The following SYNE1 variants were observed in gnomAD, a reference collection of about 807,000 sequenced individuals.
SYNE1 encodes spectrin repeat containing nuclear envelope protein 1.
Under a neutral mutation model 1,111.0 loss-of-function variants are expected in SYNE1, and 616 were observed. That is an observed-to-expected ratio of 0.55 (90% confidence interval 0.52 to 0.59). The LOEUF (loss-of-function observed/expected upper bound fraction) is 0.59, where lower values mean the gene tolerates loss of function less well. Among genes scored for constraint, SYNE1 ranks in the 20% least tolerant of loss-of-function variants. The pLI, the probability that SYNE1 is intolerant of heterozygous loss-of-function variation, is 0.00. For missense variants in SYNE1, 10,006 were observed against 10,417.0 expected (o/e 0.96, Z 1.72); for synonymous variants, 3,855 against 3,825.8 (o/e 1.01, Z -0.28).
intron 130 of SYNE1, among the ~76,000 whole-genome samples, chr6:152,172,698 T>C (rs934474676): frequency 9.9e-5 from 15 of 152,210 alleles, no homozygotes; most frequent in Non-Finnish European, 1.9e-4. Flanking sequence ...CCAGTATTCT[T>C]AAAGGCAGTT....
chr6:152,543,273 AT>A (rs1348710924), intron 3 of SYNE1, among the ~76,000 whole-genome samples: 2 of 152,124 alleles, frequency 1.3e-5, no homozygotes, highest in Non-Finnish European at 2.9e-5. Flanking sequence ...GCAAAAACAG[AT>A]TTTACTAGGT....
At position 152,121,936 on chromosome 6, in the gene SYNE1, A is replaced by T. The variant is rs1229167122; in HGVS notation, c.*500T>A. On this transcript the variant is annotated 3_prime_UTR_variant, in exon 146 of 146. Transcript: ENST00000367255. ...ATCATGCCCCAAAGGAAAACAAGGTAAAAAGGAAGCTGCCATATAAGCTCT... is the reference window on the plus strand; with the variant it reads ...ATCATGCCCCAAAGGAAAACAAGGTTAAAAGGAAGCTGCCATATAAGCTCT... The T allele has an allele frequency of 6.2e-6, 1 of 161,070 alleles. No individual in the cohort carries two copies. Among genetic ancestry groups the T allele is most frequent in the Non-Finnish European group, 1.4e-5 (1 of 72,236 alleles). The allele number at this position is 161,070 out of a possible 1,614,324, so 10.0% of individuals were successfully genotyped here.
intron 127 of SYNE1, among the ~76,000 whole-genome samples, chr6:152,194,488 CT>C (rs2073560399): frequency 1.3e-5 from 2 of 152,126 alleles, no homozygotes; most frequent in Admixed American, 6.5e-5. Flanking sequence ...AGGTAATCTT[CT>C]TTGGGTTAAA....
chr6:152,493,082 TC>T (rs1251368098), intron 11 of SYNE1, among the ~76,000 whole-genome samples: 2 of 152,040 alleles, frequency 1.3e-5, no homozygotes, highest in African/African-American at 4.8e-5. Context: ...TCCTCTTGTA[TC>T]CCCTGCACCT....
chr6:152,385,892 T>A, intron 54 of SYNE1, 54 bp from the exon 55 acceptor site: 1 of 1,584,158 alleles, frequency 6.3e-7, no homozygotes, highest in Non-Finnish European at 8.7e-7. Flanking sequence ...GAACATGAAC[T>A]CAGGTAAGAC....
chr6:152,384,735 C>T (rs1477808346), intron 55 of SYNE1, among the ~76,000 whole-genome samples: 6 of 151,974 alleles, frequency 3.9e-5, no homozygotes, highest in Admixed American at 1.3e-4. Context: ...AAAAGTTAGC[C>T]AGACGTGGTG....
At chr6:152,153,264 C>G (rs2060767943) in intron 133 of SYNE1, among the ~76,000 whole-genome samples, 1 of 152,116 alleles carries the variant, frequency 6.6e-6, no homozygotes, top group African/African-American at 2.4e-5. Context: ...AAGGAAAGTT[C>G]AGCTCTGGCC....
In SYNE1 at chr6:152,143,855, C is replaced by G. The variant is rs2058969509; in HGVS notation, c.24977-90G>C. ...CAAGGAGAAGTTTCAGAAATGATTT[C>G]AGTTACAGCAGCATAGAAATGGCAG... On this transcript the variant is annotated intron_variant, in intron 137 of 145. Transcript: ENST00000367255. 1.9e-6 allele frequency: 3 copies of G among 1,579,360 alleles called. No individual in the cohort carries two copies. The African/African-American group carries it at 4.0e-5, about 21-fold the overall frequency.
In SYNE1 at chr6:152,325,313, G is replaced by A; in HGVS notation, c.15439-11C>T. The stretch of plus-strand genomic sequence containing the variant: ...CACTGACACTAAAGCCTAGGGTTGG[G>A]GGTGGAGGACGGAAGAGAGGAGACA... On this transcript the variant is annotated splice_polypyrimidine_tract_variant and intron_variant, in intron 80 of 145. Coordinates refer to ENST00000367255, the MANE Select transcript of SYNE1 (RefSeq NM_182961.4). 6.2e-7 allele frequency: 1 copy of A among 1,613,666 alleles called. No individual in the cohort carries two copies. The highest frequency in any genetic ancestry group is 8.5e-7 in the Non-Finnish European group (1 of 1,179,592).
At chr6:152,503,294 G>T in intron 9 of SYNE1, among the ~76,000 whole-genome samples, 1 of 152,062 alleles carries the variant, frequency 6.6e-6, no homozygotes, top group Admixed American at 6.6e-5. Flanking sequence ...TTCCTGGGCA[G>T]CCTCCTCTTT....
chr6:152,170,649 A>G (rs1289494897), intron 130 of SYNE1, among the ~76,000 whole-genome samples: 1 of 152,182 alleles, frequency 6.6e-6, no homozygotes, highest in Non-Finnish European at 1.5e-5. Flanking sequence ...TGGGTAGAAC[A>G]CCCTTTAAAC....
chr6:152,501,634 C>G (rs550786664), intron 10 of SYNE1, among the ~76,000 whole-genome samples: 1 of 151,904 alleles, frequency 6.6e-6, no homozygotes, highest in South Asian at 2.1e-4. Context: ...ACTTAGGAGG[C>G]TGAGGCAGGA....
At chr6:152,425,192 T>C (rs900399872) in intron 39 of SYNE1, among the ~76,000 whole-genome samples, 189 bp downstream of exon 39, 1 of 152,240 alleles carries the variant, frequency 6.6e-6, no homozygotes, top group Admixed American at 6.5e-5. Context: ...AAATTTTGTA[T>C]TGGGATTCAT....
At chr6:152,216,381 A>G (rs1014584212) in intron 121 of SYNE1, among the ~76,000 whole-genome samples, 2 of 152,214 alleles carry the variant, frequency 1.3e-5, no homozygotes, top group African/African-American at 4.8e-5. Flanking sequence ...AAGAAAAACA[A>G]TAGTGTGCTA....
chr6:152,176,671 G>T, intron 129 of SYNE1, 111 bp from the exon 130 acceptor site: 1 of 1,103,312 alleles, frequency 9.1e-7, no homozygotes, highest in Non-Finnish European at 1.4e-6. Context: ...GAAGTAGTTT[G>T]AGCATAGGAA....
intron 130 of SYNE1, among the ~76,000 whole-genome samples, chr6:152,169,609 C>A (rs1025781611): frequency 1.8e-4 from 9 of 50,790 alleles, no homozygotes; most frequent in Admixed American, 2.5e-4. Flanking sequence ...GCCTGGGTTA[C>A]AAAGTGACAC....
rs777394436 is a variant in SYNE1, at chr6:152,354,790, T to G, written c.10795A>C (p.Lys3599Gln). 6.2e-7 allele frequency: 1 copy of G among 1,614,218 alleles called. No individual in the cohort carries two copies. Among genetic ancestry groups the G allele is most frequent in the South Asian group, 1.1e-5 (1 of 91,088 alleles). ...AACTTTTGCTCCATTAGCCTCAATT[T>G]GTTCACCACGTTATTGAACTGAGTT... The part of the protein sequence containing the change: ...TRTQFNNVVN[K>Q]LRLMEQKFQQ... The change falls in exon 67 of 146, where the codon AAA (lysine) becomes CAA (glutamine). Residue 3599 changes from lysine to glutamine, a missense_variant. Physicochemically the swap from Lys to Gln is moderately conservative, Grantham distance 53. This residue lies in a region of SYNE1 where 4,955 missense variants were observed against 5,017.2 expected (regional missense o/e 0.99). Transcript: ENST00000367255.
At chr6:152,321,122 A>AT (rs1226662531) in intron 84 of SYNE1, 116 bp downstream of exon 84, 99 of 1,199,678 alleles carry the variant, frequency 8.3e-5, no homozygotes, top group Non-Finnish European at 9.6e-5. Flanking sequence ...ATAGCCATCT[A>AT]TTTTTTTTAA....
chr6:152,467,648 T>G (rs531754756), intron 16 of SYNE1, among the ~76,000 whole-genome samples: 1 of 152,236 alleles, frequency 6.6e-6, no homozygotes, highest in African/African-American at 2.4e-5. Flanking sequence ...GAAAATCTTA[T>G]TTCCAATTTA....
Sources: gnomAD v4.1 joint callset for allele counts (sites outside exome capture counted in the v4.1 genomes callset) on GRCh38, gnomAD v4.1.1 for gene constraint, gnomAD v4.1.1 regional missense constraint, MANE v1.5 for transcripts, NCBI Gene and HGNC (gene_info 2026-07-23, HGNC 2026-07-21) for gene names.